The following DOCK1 variants were observed in gnomAD, a reference collection of about 807,000 sequenced individuals.
The protein encoded by DOCK1 is dedicator of cytokinesis 1.
DOCK1 carries 138 observed loss-of-function variants against 262.7 expected under a neutral mutation model. The observed-to-expected ratio is 0.53, with a 90% CI of 0.46 to 0.61. DOCK1 has a LOEUF of 0.61. Among genes scored for constraint, DOCK1 ranks in the 20% least tolerant of loss-of-function variants. The probability of loss-of-function intolerance (pLI) is 0.00; values close to 1 mark genes in which losing one functional copy is unlikely to be tolerated. For missense variants in DOCK1, 1,908 were observed against 2,370.7 expected (o/e 0.80, Z 4.05); for synonymous variants, 866 against 867.4 (o/e 1.00, Z 0.03).
At chr10:127,158,691 G>C (rs958991201) in intron 27 of DOCK1, among the ~76,000 whole-genome samples, 3 of 152,160 alleles carry the variant, frequency 2.0e-5, no homozygotes, top group African/African-American at 7.2e-5. Flanking sequence ...ATTGTGAAAA[G>C]TTCTAGTCTT....
intron 13 of DOCK1, chr10:127,019,081 G>A: frequency 2.0e-6 from 1 of 502,066 alleles, no homozygotes; most frequent in South Asian, 3.7e-5. Context: ...TGTGTGAGGG[G>A]GGCGTGGGCA....
At chr10:127,122,020 G>A (rs1461259799) in intron 25 of DOCK1, among the ~76,000 whole-genome samples, 3 of 152,218 alleles carry the variant, frequency 2.0e-5, no homozygotes, top group African/African-American at 7.2e-5. Flanking sequence ...TATCAGCAAG[G>A]AGGAACAGAT....
intron 29 of DOCK1, among the ~76,000 whole-genome samples, chr10:127,264,977 G>T (rs1233872483): frequency 6.6e-6 from 1 of 152,174 alleles, no homozygotes; most frequent in Non-Finnish European, 1.5e-5. Context: ...CCATGATGTA[G>T]ATCTTTATAT....
At chr10:127,348,848 C>T (rs1371397813) in intron 31 of DOCK1, among the ~76,000 whole-genome samples, 2 of 152,132 alleles carry the variant, frequency 1.3e-5, no homozygotes, top group Non-Finnish European at 2.9e-5. Flanking sequence ...CGTTTTGCAG[C>T]GTGACCTAAT....
intron 27 of DOCK1, among the ~76,000 whole-genome samples, chr10:127,161,348 G>A (rs1446817264): frequency 1.3e-5 from 2 of 152,104 alleles, no homozygotes; most frequent in Admixed American, 6.5e-5. Flanking sequence ...AGTCAAAGGC[G>A]GTACTGGCTT....
At chr10:126,945,595 C>T (rs1328686622) in intron 1 of DOCK1, among the ~76,000 whole-genome samples, 4 of 152,274 alleles carry the variant, frequency 2.6e-5, no homozygotes, top group Non-Finnish European at 5.9e-5. Context: ...AGGTCCAGCC[C>T]ATACTCAACG....
At chr10:127,402,546 C>T (rs1004897901) in intron 38 of DOCK1, among the ~76,000 whole-genome samples, 3 of 152,240 alleles carry the variant, frequency 2.0e-5, no homozygotes, top group Non-Finnish European at 4.4e-5. Flanking sequence ...AAACTTTCTG[C>T]AAGCTTTAGT....
Position 126,927,276 on chromosome 10 carries a change from C to A in DOCK1, c.46+21713C>A, listed in dbSNP as rs190786055. Among the ~76,000 whole-genome samples, 234 of 152,216 alleles carry A rather than the reference C, an allele frequency of 1.5e-3. 1 individual carries two copies. Among genetic ancestry groups the A allele is most frequent in the Non-Finnish European group, 2.8e-3 (188 of 68,016 alleles). On this transcript the variant is annotated intron_variant, in intron 1 of 51. Transcript: ENST00000623213. ...TTGGATTTGATGTGAATGTTGTTGA[C>A]CAGAACTGGAGGTGAGCAGGAGAGA... is the stretch of plus-strand genomic sequence containing the variant.
chr10:127,361,968 G>A, intron 32 of DOCK1, 96 bp from the exon 33 acceptor site: 2 of 1,333,402 alleles, frequency 1.5e-6, no homozygotes, highest in Non-Finnish European at 2.0e-6. Flanking sequence ...GCTGCTCAAA[G>A]TCACAGTGAT....
intron 15 of DOCK1, chr10:127,026,110 T>C (rs2042841260): frequency 1.8e-5 from 9 of 492,750 alleles, no homozygotes; most frequent in Admixed American, 3.9e-5. Flanking sequence ...GGTCAGAGCA[T>C]TCAGAAAAAA....
intron 27 of DOCK1, chr10:127,138,153 G>A (rs1008350553): frequency 2.4e-5 from 18 of 759,170 alleles, no homozygotes; most frequent in East Asian, 5.1e-5. Context: ...ATAGCAATTC[G>A]ATATACTATG....
intron 1 of DOCK1, among the ~76,000 whole-genome samples, chr10:126,920,305 C>T (rs1021661255): frequency 6.6e-6 from 1 of 152,180 alleles, no homozygotes; most frequent in Non-Finnish European, 1.5e-5. Context: ...TAAAATGTTC[C>T]AGTAAAACAC....
chr10:127,371,650 G>C (rs2065215907), intron 33 of DOCK1, among the ~76,000 whole-genome samples: 1 of 152,102 alleles, frequency 6.6e-6, no homozygotes, highest in Non-Finnish European at 1.5e-5. Flanking sequence ...ACATGAAATT[G>C]AATCATGTTT....
chr10:127,053,776 T>C (rs957252323), intron 22 of DOCK1, among the ~76,000 whole-genome samples: 73 of 152,328 alleles, frequency 4.8e-4, no homozygotes, highest in African/African-American at 1.7e-3. Flanking sequence ...TGCGCTAAAA[T>C]GAGGACTTTC....
chr10:127,431,378 G>A lies in DOCK1; in HGVS notation c.4915-1905G>A, dbSNP rs116956359. On this transcript the variant is annotated intron_variant, in intron 47 of 51. Coordinates refer to ENST00000623213, the MANE Select transcript of DOCK1 (RefSeq NM_001290223.2). ...GGAGTGCCCTCTGTCTCTCCTTGAC[G>A]GGAGTCATCCTCCTGCCAACCCCCT... Among the ~76,000 whole-genome samples, 444 of 152,264 alleles carry A rather than the reference G, an allele frequency of 2.9e-3. 5 individuals carry two copies. Among genetic ancestry groups the A allele is most frequent in the African/African-American group, 9.2e-3 (384 of 41,560 alleles).
intron 29 of DOCK1, among the ~76,000 whole-genome samples, chr10:127,322,875 A>G (rs2062595355): frequency 6.6e-6 from 1 of 152,240 alleles, no homozygotes; most frequent in Admixed American, 6.5e-5. Context: ...TAGACTGTCA[A>G]GAATGGAAAG....
At chr10:127,030,042 A>G (rs189287443) in intron 16 of DOCK1, among the ~76,000 whole-genome samples, 2 of 152,218 alleles carry the variant, frequency 1.3e-5, no homozygotes, top group African/African-American at 4.8e-5. Flanking sequence ...CTGGTTGATT[A>G]TTCATGGAAC....
intron 27 of DOCK1, among the ~76,000 whole-genome samples, chr10:127,210,446 C>G (rs2057926444): frequency 6.6e-6 from 1 of 152,212 alleles, no homozygotes; most frequent in South Asian, 2.1e-4. Context: ...GATGATAATG[C>G]AGTCAGAGGA....
chr10:127,024,490 T>C (rs922494955), intron 14 of DOCK1, among the ~76,000 whole-genome samples, 195 bp from the exon 15 acceptor site: 4 of 152,178 alleles, frequency 2.6e-5, no homozygotes, highest in African/African-American at 9.7e-5. Flanking sequence ...ATCTTCAATG[T>C]GTGAGAACAG....
Sources: gnomAD v4.1 joint callset for allele counts (sites outside exome capture counted in the v4.1 genomes callset) on GRCh38, gnomAD v4.1.1 for gene constraint, MANE v1.5 for transcripts, NCBI Gene and HGNC (gene_info 2026-07-23, HGNC 2026-07-21) for gene names.